The following TEX15 variants were observed in gnomAD, a reference collection of about 807,000 sequenced individuals.
The protein encoded by TEX15 is testis-expressed protein 15.
A neutral mutation model predicts 237.3 loss-of-function variants in TEX15; 171 were observed. The ratio of observed to expected loss-of-function variants is 0.72; its 90% confidence interval spans 0.64 to 0.82. The LOEUF (loss-of-function observed/expected upper bound fraction) is 0.82, where lower values mean the gene tolerates loss of function less well. Ranked by LOEUF, TEX15 falls within the 40% of genes least tolerant of loss-of-function variation. TEX15 has a pLI of 0.00. For synonymous variants in TEX15, 1,338 were observed against 1,269.8 expected (o/e 1.05, Z -1.14); for missense variants, 3,750 against 3,646.5 (o/e 1.03, Z -0.73).
intron 2 of TEX15, chr8:30,890,468 T>C (rs559930380): frequency 6.6e-6 from 1 of 152,292 alleles, no homozygotes; most frequent in Admixed American, 6.5e-5. Flanking sequence ...TGCCATTGTC[T>C]AGCTCACCTC....
intron 8 of TEX15, among the ~76,000 whole-genome samples, chr8:30,841,692 C>T (rs1807456446): frequency 1.3e-5 from 2 of 152,162 alleles, no homozygotes; most frequent in South Asian, 4.1e-4. Context: ...TGGTCTCTCA[C>T]TCAGTGTTCA....
In TEX15 at chr8:30,850,750, A is replaced by G. The variant is rs569611219; in HGVS notation, c.851-1434T>C. ...GAATGGATGTTTTTATAATCTTGGC[A>G]TAGGAAAGTACTTTTAAAGCATGAC... On this transcript the variant is annotated intron_variant, in intron 7 of 10. Transcript: ENST00000643185. Among the ~76,000 whole-genome samples, 3 of 152,318 alleles carry G rather than the reference A, an allele frequency of 2.0e-5. No individual in the cohort carries two copies. In the East Asian group the frequency reaches 5.8e-4, roughly 29 times the overall value.
rs891082452 is a variant in TEX15, at chr8:30,874,874, C to T, written c.302+63G>A. The stretch of plus-strand genomic sequence containing the variant: ...ATCTCATATGGTAGAAATGAATTAG[C>T]ATAAAACTCCATAGTAACAAACACA... On this transcript the variant is annotated intron_variant, in intron 4 of 10. Coordinates refer to ENST00000643185, the MANE Select transcript of TEX15 (RefSeq NM_001350162.2). 62 of 978,262 alleles carry T rather than the reference C, an allele frequency of 6.3e-5. No individual in the cohort carries two copies. The South Asian group carries it at 3.0e-3, about 47-fold the overall frequency. 60.6% of individuals were successfully genotyped at this position (978,262 alleles called of 1,614,324 possible).
intron 2 of TEX15, among the ~76,000 whole-genome samples, chr8:30,891,849 T>C (rs937405227): frequency 6.6e-6 from 1 of 152,240 alleles, no homozygotes; most frequent in Non-Finnish European, 1.5e-5. Flanking sequence ...TTCAAGTTTT[T>C]TACCTGATTT....
rs768055584 is a variant in TEX15, at chr8:30,837,603, A to G, written c.8681T>C (p.Leu2894Pro). The G allele has an allele frequency of 1.9e-6, 3 of 1,614,108 alleles. No individual in the cohort carries two copies. The highest frequency in any genetic ancestry group is 2.5e-6 in the Non-Finnish European group (3 of 1,179,958). ...DVSLVPDASV[L>P]SKPIFCFVKD... ...CACAAAACAGAAAATTGGCTTTGAG[A>G]GCACCGACGCATCAGGCACAAGAGA... Residue 2894 changes from leucine to proline, a missense_variant, in exon 10 of 11, where the codon CTC (leucine) becomes CCC (proline). Physicochemically the swap from Leu to Pro is moderately conservative, Grantham distance 98. Coordinates refer to ENST00000643185, the MANE Select transcript of TEX15 (RefSeq NM_001350162.2).
At chr8:30,908,682 C>T (rs1374947223) in intron 1 of TEX15, among the ~76,000 whole-genome samples, 1 of 152,210 alleles carries the variant, frequency 6.6e-6, no homozygotes, top group African/African-American at 2.4e-5. Flanking sequence ...CTAGCTCTTT[C>T]ACTATTTAGC....
chr8:30,848,146 G>T lies in TEX15; in HGVS notation c.2021C>A (p.Ser674Tyr). The change falls in exon 8 of 11, where the codon TCT (serine) becomes TAT (tyrosine). Residue 674 changes from serine to tyrosine, a missense_variant. Coordinates refer to ENST00000643185, the MANE Select transcript of TEX15 (RefSeq NM_001350162.2). ...TATTTTATCACAGCTTTTCCCAAAA[G>T]AATTATGACTCTCACTCTCTTTGTA... ...QEYKESESHN[S>Y]FGKSCDKILI... The T allele has an allele frequency of 1.2e-6, 2 of 1,609,472 alleles. No individual in the cohort carries two copies. Among genetic ancestry groups the T allele is most frequent in the South Asian group, 1.1e-5 (1 of 90,244 alleles).
chr8:30,879,867 T>C (rs1585304870), intron 3 of TEX15, among the ~76,000 whole-genome samples: 1 of 152,128 alleles, frequency 6.6e-6, no homozygotes, highest in East Asian at 1.9e-4. Flanking sequence ...TGAACTGATG[T>C]CATTATGTTG....
At chr8:30,862,647 T>C (rs946600431) in intron 5 of TEX15, among the ~76,000 whole-genome samples, 1 of 152,192 alleles carries the variant, frequency 6.6e-6, no homozygotes, top group Non-Finnish European at 1.5e-5. Context: ...TTATGCCACA[T>C]GAACCACTGA....
Position 30,838,031 on chromosome 8 carries a change from G to T in TEX15, c.8253C>A (p.Asn2751Lys). Reference sequence around the variant, plus strand: ...TGTCACATGAACTTGGTACTATTTTGTTTTCGCTTTTGGGATGAGATCCTG... The same window carrying T: ...TGTCACATGAACTTGGTACTATTTTTTTTTCGCTTTTGGGATGAGATCCTG... Reference protein sequence around the residue: ...RTTGSHPKSENKIVPSSCDSL... With the variant: ...RTTGSHPKSEKKIVPSSCDSL... Residue 2751 changes from asparagine (N) to lysine (K), a missense_variant, in exon 10 of 11, where the codon AAC becomes AAA. Coordinates refer to ENST00000643185, the MANE Select transcript of TEX15 (RefSeq NM_001350162.2). The T allele has an allele frequency of 1.2e-6, 2 of 1,612,480 alleles. No individual in the cohort carries two copies. Among genetic ancestry groups the T allele is most frequent in the Non-Finnish European group, 1.7e-6 (2 of 1,179,608 alleles).
intron 3 of TEX15, among the ~76,000 whole-genome samples, chr8:30,875,657 G>C (rs1406522598): frequency 6.6e-6 from 1 of 152,206 alleles, no homozygotes; most frequent in African/African-American, 2.4e-5. Context: ...AGTGAACTCA[G>C]AGGAAAGCAA....
At chr8:30,879,500 T>C (rs867148821) in intron 3 of TEX15, among the ~76,000 whole-genome samples, 10 of 152,360 alleles carry the variant, frequency 6.6e-5, no homozygotes, top group Middle Eastern at 6.8e-3. Context: ...GGATGTCCAA[T>C]TGCTCTAGCA....
chr8:30,888,655 T>C (rs1403608300), intron 2 of TEX15: 1 of 1,289,616 alleles, frequency 7.8e-7, no homozygotes, highest in Admixed American at 2.3e-5. Context: ...ACATGGTTGA[T>C]GGCCCTCCTG....
At chr8:30,856,326 G>A (rs1807911824) in intron 7 of TEX15, among the ~76,000 whole-genome samples, 1 of 151,938 alleles carries the variant, frequency 6.6e-6, no homozygotes, top group South Asian at 2.1e-4. Flanking sequence ...GGCTGAGGCA[G>A]GTGGATCACT....
chr8:30,847,955 T>C lies in TEX15; in HGVS notation c.2212A>G (p.Ser738Gly). 3 of 1,614,036 alleles carry C rather than the reference T, an allele frequency of 1.9e-6. No homozygotes were observed. The highest frequency in any genetic ancestry group is 2.5e-6 in the Non-Finnish European group (3 of 1,179,958). The change falls in exon 8 of 11, where the codon AGT (serine) becomes GGT (glycine). Residue 738 changes from serine to glycine, a missense_variant. By Grantham distance (56) the Ser-to-Gly change is moderately conservative. Coordinates refer to ENST00000643185, the MANE Select transcript of TEX15 (RefSeq NM_001350162.2). The part of the protein sequence containing the change: ...SVEYEGNIHT[S>G]LAIAQKLMEL... ...ATTAGCTTTTGAGCAATGGCTAAAC[T>C]TGTATGAATGTTACCCTCATACTCC...
chr8:30,902,866 T>C (rs558990741), intron 1 of TEX15, among the ~76,000 whole-genome samples: 5 of 152,220 alleles, frequency 3.3e-5, no homozygotes, highest in Non-Finnish European at 7.3e-5. Flanking sequence ...TGAAGCACAG[T>C]AGAATTTAAG....
rs552676694 is a variant in TEX15, at chr8:30,909,762, G to A, written c.-86+3117C>T. ...ACCACAGAACATCAATTTTAAACAT[G>A]CTTAATTGAACAAAAAAATTAGTTC... On this transcript the variant is annotated intron_variant, in intron 1 of 10. Coordinates refer to ENST00000643185, the MANE Select transcript of TEX15 (RefSeq NM_001350162.2). Among the ~76,000 whole-genome samples the A allele has an allele frequency of 9.2e-4, 140 of 152,172 alleles. 1 individual carries two copies. The highest frequency in any genetic ancestry group is 8.8e-4 in the Non-Finnish European group (60 of 68,020).
Position 30,845,199 on chromosome 8 carries a change from T to G in TEX15, c.4968A>C (p.Ser1656=). The G allele has an allele frequency of 6.2e-7, 1 of 1,613,590 alleles. No individual in the cohort carries two copies. The highest frequency in any genetic ancestry group is 1.3e-5 in the African/African-American group (1 of 75,056). ...KTDVLISVLD[S]NVKHFLNDLY... ...GATCATTTAAAAAGTGCTTCACATTTGAATCTAAGACTGATATAAGTACGT... is the reference window on the plus strand; with the variant it reads ...GATCATTTAAAAAGTGCTTCACATTGGAATCTAAGACTGATATAAGTACGT... The change falls in exon 8 of 11, where the codon TCA becomes TCC. Residue 1656 remains serine, a synonymous_variant. Transcript: ENST00000643185.
rs746554338 is a variant in TEX15, at chr8:30,847,243, G to T, written c.2924C>A (p.Ser975Tyr). The part of the protein sequence containing the change: ...ASTTFPKTAS[S>Y]SVCVASNAAI... ...AGCATTTGAGGCTACACACACTGAA[G>T]AACTTGCAGTTTTGGGAAATGTCGT... Residue 975 changes from serine (S) to tyrosine (Y), a missense_variant, in exon 8 of 11, where the codon TCT becomes TAT. Coordinates refer to ENST00000643185, the MANE Select transcript of TEX15 (RefSeq NM_001350162.2). The T allele has an allele frequency of 6.2e-7, 1 of 1,613,936 alleles. No individual in the cohort carries two copies. The highest frequency in any genetic ancestry group is 1.7e-5 in the Admixed American group (1 of 60,012).
Sources: allele counts gnomAD v4.1 joint callset (sites outside exome capture counted in the v4.1 genomes callset), GRCh38; gene constraint gnomAD v4.1.1; transcripts MANE v1.5; gene names NCBI Gene and HGNC (gene_info 2026-07-23, HGNC 2026-07-21).